PDE7B: variants seen among roughly 807,000 people sequenced by gnomAD.
PDE7B encodes the protein 3',5'-cyclic-AMP phosphodiesterase 7B.
PDE7B carries 29 observed loss-of-function variants against 56.2 expected under a neutral mutation model. The ratio of observed to expected loss-of-function variants is 0.52; its 90% CI spans 0.38 to 0.70. The LOEUF is 0.70. PDE7B is among the 30% of genes least tolerant of loss of function. The probability of loss-of-function intolerance (pLI) is 0.00; values close to 1 mark genes in which losing one functional copy is unlikely to be tolerated. For synonymous variants in PDE7B, 197 were observed against 196.9 expected (o/e 1.00, Z 0.00); for missense variants, 490 against 565.0 (o/e 0.87, Z 1.35).
At chr6:136,039,031 C>T (rs1776373507) in intron 2 of PDE7B, among the ~76,000 whole-genome samples, 1 of 152,098 alleles carries the variant, frequency 6.6e-6, no homozygotes, top group African/African-American at 2.4e-5. Context: ...CTTTTTATGT[C>T]CTGGGCAAGT....
chr6:135,993,530 G>C (rs1416236447), intron 2 of PDE7B, among the ~76,000 whole-genome samples: 1 of 152,134 alleles, frequency 6.6e-6, no homozygotes, highest in African/African-American at 2.4e-5. Flanking sequence ...ACTGTTATAA[G>C]CTGGCACAGA....
rs895362980 is a variant in PDE7B, at chr6:136,194,560, G to A, written c.*2720G>A. 1.3e-5 allele frequency: 2 copies of A among 152,158 alleles called. No homozygotes were observed. Among genetic ancestry groups the A allele is most frequent in the African/African-American group, 4.8e-5 (2 of 41,436 alleles). The allele number at this position is 152,158 out of a possible 1,614,324, so 9.4% of individuals were successfully genotyped here. The stretch of plus-strand genomic sequence containing the variant: ...ATGTCTCTTTTTTTCTTGGCTATTA[G>A]TGGCTGTCTTGCAATATTTCAATAG... On this transcript the variant is annotated 3_prime_UTR_variant, in exon 13 of 13. Transcript: ENST00000308191.
intron 1 of PDE7B, among the ~76,000 whole-genome samples, chr6:135,854,043 C>G (rs1180854167): frequency 2.0e-5 from 3 of 152,148 alleles, no homozygotes; most frequent in Admixed American, 1.3e-4. Flanking sequence ...AAGGACATTT[C>G]AAACACTGAC....
At chr6:135,854,847 C>T (rs922862866) in intron 1 of PDE7B, among the ~76,000 whole-genome samples, 3 of 152,198 alleles carry the variant, frequency 2.0e-5, no homozygotes, top group African/African-American at 7.2e-5. Context: ...AAACCCAAAT[C>T]AACTGAATAC....
At chr6:135,884,576 TC>T (rs1775668225) in intron 1 of PDE7B, among the ~76,000 whole-genome samples, 1 of 152,162 alleles carries the variant, frequency 6.6e-6, no homozygotes, top group Non-Finnish European at 1.5e-5. Flanking sequence ...GTACACCAAA[TC>T]CCATAACACT....
intron 1 of PDE7B, among the ~76,000 whole-genome samples, chr6:135,892,271 A>G (rs924717748): frequency 6.6e-6 from 1 of 152,178 alleles, no homozygotes; most frequent in African/African-American, 2.4e-5. Flanking sequence ...GCTTAATTAT[A>G]TCGGCTTTCA....
chr6:136,011,916 A>G (rs541877578), intron 2 of PDE7B, among the ~76,000 whole-genome samples: 1 of 152,218 alleles, frequency 6.6e-6, no homozygotes, highest in Admixed American at 6.5e-5. Flanking sequence ...TTTAGAATAT[A>G]GTTTGTACAT....
intron 1 of PDE7B, among the ~76,000 whole-genome samples, chr6:135,924,838 G>C (rs1774156088): frequency 6.6e-6 from 1 of 151,656 alleles, no homozygotes; most frequent in African/African-American, 2.4e-5. Flanking sequence ...TTAAGTGTTT[G>C]TCATATAGTA....
intron 2 of PDE7B, among the ~76,000 whole-genome samples, chr6:136,064,880 A>G (rs74363608): frequency 0.033 from 4,981 of 152,292 alleles, 281 homozygotes; most frequent in African/African-American, 0.11. Context: ...CCAAGAGCAG[A>G]AACAGTATTT....
intron 1 of PDE7B, among the ~76,000 whole-genome samples, chr6:135,911,218 G>A (rs1023231834): frequency 2.6e-5 from 4 of 152,190 alleles, no homozygotes; most frequent in Non-Finnish European, 5.9e-5. Flanking sequence ...ATCATTAGCT[G>A]TGGCAGGAAA....
chr6:135,967,962 T>C (rs1248812042), intron 2 of PDE7B, among the ~76,000 whole-genome samples: 1 of 152,208 alleles, frequency 6.6e-6, no homozygotes, highest in Non-Finnish European at 1.5e-5. Flanking sequence ...TTCATCTCTT[T>C]GGAAGCCTTG....
chr6:136,128,591 A>G (rs187033462), intron 3 of PDE7B, among the ~76,000 whole-genome samples: 330 of 152,230 alleles, frequency 2.2e-3, no homozygotes, highest in South Asian at 4.8e-3. Context: ...CAAGTGGATT[A>G]AGTTTTCCTT....
At chr6:135,952,903 C>T (rs181393097) in intron 2 of PDE7B, among the ~76,000 whole-genome samples, 26 of 152,144 alleles carry the variant, frequency 1.7e-4, no homozygotes, top group African/African-American at 5.3e-4. Context: ...AGAGTCTTTT[C>T]GATTTAGTTA....
At chr6:136,185,381 G>A (rs372209675) in intron 11 of PDE7B, among the ~76,000 whole-genome samples, 2 of 152,068 alleles carry the variant, frequency 1.3e-5, no homozygotes, top group African/African-American at 2.4e-5. Flanking sequence ...AACATACTGG[G>A]TCAGCATTTA....
At chr6:136,125,497 A>G (rs1380316750) in intron 3 of PDE7B, among the ~76,000 whole-genome samples, 1 of 152,134 alleles carries the variant, frequency 6.6e-6, no homozygotes, top group Non-Finnish European at 1.5e-5. Flanking sequence ...CCAGGAGGTC[A>G]AGGCTACAGT....
chr6:136,017,090 G>A (rs1022443399), intron 2 of PDE7B, among the ~76,000 whole-genome samples: 3 of 152,164 alleles, frequency 2.0e-5, no homozygotes, highest in Admixed American at 2.0e-4. Context: ...GCAGCAAATA[G>A]CCTGAAACCC....
rs1457746105 is a variant in PDE7B, at chr6:135,935,218, T to TAAAATATATATA, written c.22-12246_22-12245insAAAATATATATA. 1.4e-4 allele frequency among the ~76,000 whole-genome samples: 5 copies of TAAAATATATATA among 34,726 alleles called. 1 individual carries two copies. In the Admixed American group the frequency reaches 1.7e-3, roughly 12 times the overall value. The allele number at this position is 34,726 out of a possible 152,430, so 22.8% of individuals were successfully genotyped here. On this transcript the variant is annotated intron_variant, in intron 1 of 12. Transcript: ENST00000308191. ...TATATATATATATATATATATATAT[T>TAAAATATATATA]TTCATGATTCTTGCTCTCCAGGAAA...
intron 2 of PDE7B, among the ~76,000 whole-genome samples, chr6:136,004,824 G>A (rs1251316314): frequency 6.6e-6 from 1 of 152,018 alleles, no homozygotes; most frequent in Non-Finnish European, 1.5e-5. Flanking sequence ...AGCTACCAAT[G>A]ACTTTCTTCA....
At chr6:136,053,346 A>T (rs967237534) in intron 2 of PDE7B, among the ~76,000 whole-genome samples, 2 of 151,544 alleles carry the variant, frequency 1.3e-5, no homozygotes, top group African/African-American at 4.9e-5. Context: ...GCTGAGAATG[A>T]TGGTTTCCAG....
Sources: allele counts gnomAD v4.1 joint callset (sites outside exome capture counted in the v4.1 genomes callset), GRCh38; gene constraint gnomAD v4.1.1; transcripts MANE v1.5; gene names NCBI Gene and HGNC (gene_info 2026-07-23, HGNC 2026-07-21).